LARGE1: variants seen among roughly 807,000 people sequenced by gnomAD.
The protein encoded by LARGE1 is LARGE xylosyl- and glucuronyltransferase 1, also known as xylosyl- and glucuronyltransferase LARGE1.
Under a neutral mutation model 87.6 loss-of-function variants are expected in LARGE1, and 43 were observed. The ratio of observed to expected loss-of-function variants is 0.49; its 90% CI spans 0.38 to 0.63. The LOEUF is 0.63. LARGE1 is among the 30% of genes least tolerant of loss of function. The probability of loss-of-function intolerance (pLI) is 0.00; values close to 1 mark genes in which losing one functional copy is unlikely to be tolerated. For synonymous variants in LARGE1, 434 were observed against 394.6 expected (o/e 1.10, Z -1.18); for missense variants, 802 against 1,000.2 (o/e 0.80, Z 2.67).
chr22:33,459,439 CTCTT>C (rs1290255379), intron 6 of LARGE1, among the ~76,000 whole-genome samples: 32 of 140,936 alleles, frequency 2.3e-4, no homozygotes, highest in South Asian at 1.1e-3. Context: ...CTCGCTCTCT[CTCTT>C]TTTTTTTTTT....
At chr22:33,597,483 G>A (rs79566528) in intron 5 of LARGE1, among the ~76,000 whole-genome samples, 2 of 152,056 alleles carry the variant, frequency 1.3e-5, no homozygotes, top group East Asian at 3.9e-4. Context: ...AGGACGGCAG[G>A]GGGCTGGAAG....
rs1328399157 is a variant in LARGE1, at chr22:33,847,867, TCCTC to T, written c.-83+72124_-83+72127del. On this transcript the variant is annotated intron_variant, in intron 1 of 14. Transcript: ENST00000397394. ...CCTTAACTCGCTCATTCACGCTTTC[TCCTC>T]CCTCCAAATAGCTTAAGTATAAGCC... 5.3e-5 allele frequency among the ~76,000 whole-genome samples: 8 copies of T among 152,290 alleles called. No individual in the cohort carries two copies. In the South Asian group the frequency reaches 1.0e-3, roughly 20 times the overall value.
At chr22:33,531,191 CTT>C (rs1483692770) in intron 6 of LARGE1, among the ~76,000 whole-genome samples, 2 of 152,142 alleles carry the variant, frequency 1.3e-5, no homozygotes, top group African/African-American at 4.8e-5. Flanking sequence ...GAGTTTTGCT[CTT>C]GTTGCCCAGG....
chr22:33,555,065 T>C (rs1040053070), intron 6 of LARGE1, among the ~76,000 whole-genome samples: 47 of 152,214 alleles, frequency 3.1e-4, no homozygotes, highest in African/African-American at 1.0e-3. Flanking sequence ...GTACTGAATA[T>C]ACACAGATTT....
chr22:33,134,761 G>A, the LARGE1 span, among the ~76,000 whole-genome samples: 1 of 152,078 alleles, frequency 6.6e-6, no homozygotes, highest in Non-Finnish European at 1.5e-5. Context: ...TTTTGTTTGG[G>A]AATGTCATCC....
chr22:33,665,208 TC>T (rs2081233943), intron 2 of LARGE1, among the ~76,000 whole-genome samples: 1 of 152,188 alleles, frequency 6.6e-6, no homozygotes, highest in African/African-American at 2.4e-5. Flanking sequence ...TTTCACTCTG[TC>T]CCCTGGTTTA....
At chr22:33,737,832 CAG>C (rs1368506244) in intron 2 of LARGE1, 4 of 152,098 alleles carry the variant, frequency 2.6e-5, no homozygotes, top group Non-Finnish European at 5.9e-5. Context: ...TGGGTAAAGG[CAG>C]AGTGTACAAG....
intron 11 of LARGE1, among the ~76,000 whole-genome samples, chr22:33,171,228 G>A (rs115017479): frequency 0.013 from 1,949 of 152,260 alleles, 43 homozygotes; most frequent in African/African-American, 0.043. Flanking sequence ...AGTCATATGG[G>A]TTCACGAAGA....
At chr22:33,832,076 C>T (rs2062988554) in intron 1 of LARGE1, among the ~76,000 whole-genome samples, 1 of 152,214 alleles carries the variant, frequency 6.6e-6, no homozygotes, top group Non-Finnish European at 1.5e-5. Flanking sequence ...AATCAAACAT[C>T]TCCCTGGAAG....
At chr22:33,429,767 G>A (rs1004196757) in intron 7 of LARGE1, among the ~76,000 whole-genome samples, 1 of 152,126 alleles carries the variant, frequency 6.6e-6, no homozygotes, top group Non-Finnish European at 1.5e-5. Context: ...AAAGCTTGGA[G>A]GGAACGTGTC....
chr22:33,726,095 C>CT (rs34786121), intron 2 of LARGE1: 56,396 of 137,206 alleles, frequency 0.41, 11,561 homozygotes, highest in Admixed American at 0.52. Context: ...CACAGCTACT[C>CT]TTTTTTTTTT....
rs113011480 is a variant in LARGE1 at position 33,745,111 on chromosome 22, C to G, written c.106+16260G>C. Among the ~76,000 whole-genome samples, 664 of 152,276 alleles carry G rather than the reference C, an allele frequency of 4.4e-3. 7 individuals carry two copies. Among genetic ancestry groups the G allele is most frequent in the African/African-American group, 0.016 (648 of 41,536 alleles). The stretch of plus-strand genomic sequence containing the variant: ...GAGGGATTTCACCCAGGGAACAGAA[C>G]AAGCGAAGAAGCCAAGAAAATATGC... On this transcript the variant is annotated intron_variant, in intron 2 of 14. Transcript: ENST00000397394.
chr22:33,531,250 TG>T (rs1351796591), intron 6 of LARGE1, among the ~76,000 whole-genome samples: 30 of 152,120 alleles, frequency 2.0e-4, no homozygotes, highest in Non-Finnish European at 3.4e-4. Flanking sequence ...CTCCTCCTCC[TG>T]GGTTCAAGTG....
chr22:33,575,936 C>T (rs184473159), intron 5 of LARGE1, among the ~76,000 whole-genome samples: 1 of 152,316 alleles, frequency 6.6e-6, no homozygotes, highest in Non-Finnish European at 1.5e-5. Flanking sequence ...ACTGCCTGAA[C>T]ATCCTTCAGT....
At chr22:33,397,751 C>T (rs1172539842) in intron 7 of LARGE1, among the ~76,000 whole-genome samples, 2 of 152,160 alleles carry the variant, frequency 1.3e-5, no homozygotes, top group Admixed American at 6.5e-5. Flanking sequence ...GTAGATATTG[C>T]AAAGTGGTTC....
At chr22:33,759,949 T>G (rs1384470613) in intron 2 of LARGE1, among the ~76,000 whole-genome samples, 1 of 152,194 alleles carries the variant, frequency 6.6e-6, no homozygotes, top group Admixed American at 6.5e-5. Context: ...GGTGTGTCAC[T>G]TGGCCTCGGC....
chr22:33,118,728 T>C, the LARGE1 span, among the ~76,000 whole-genome samples: 3 of 152,182 alleles, frequency 2.0e-5, no homozygotes, highest in Non-Finnish European at 2.9e-5. Context: ...AACCAGTTAT[T>C]TCCTGGAGTT....
At chr22:33,506,921 G>A (rs901238949) in intron 6 of LARGE1, among the ~76,000 whole-genome samples, 1 of 152,066 alleles carries the variant, frequency 6.6e-6, no homozygotes, top group South Asian at 2.1e-4. Context: ...AAAAACTCAG[G>A]AGAAGTATTA....
chr22:33,194,285 T>A (rs930572187), intron 11 of LARGE1, among the ~76,000 whole-genome samples: 1 of 152,082 alleles, frequency 6.6e-6, no homozygotes, highest in African/African-American at 2.4e-5. Context: ...TTGAAAAGAG[T>A]TCTAAACAAA....
Sources: allele counts gnomAD v4.1 joint callset (sites outside exome capture counted in the v4.1 genomes callset), GRCh38; gene constraint gnomAD v4.1.1; transcripts MANE v1.5; gene names NCBI Gene and HGNC (gene_info 2026-07-23, HGNC 2026-07-21).